Variants in LRRC53 observed in about 807,000 individuals in gnomAD.
The protein encoded by LRRC53 is leucine rich repeat containing 53.
LRRC53 carries 25 observed loss-of-function variants against 13.6 expected under a neutral mutation model. The ratio of observed to expected loss-of-function variants is 1.83; its 90% CI spans 1.34 to 2.56. LRRC53 has a LOEUF of 2.56. LRRC53 is among the 30% of genes most tolerant of loss of function. The probability of loss-of-function intolerance (pLI) is 0.00; values close to 1 mark genes in which losing one functional copy is unlikely to be tolerated. For synonymous variants in LRRC53, 204 were observed against 109.8 expected (o/e 1.86, Z -5.37); for missense variants, 527 against 275.8 (o/e 1.91, Z -6.45).
At chr1:74,526,219 G>C in the LRRC53 span, among the ~76,000 whole-genome samples, 685 of 152,246 alleles carry the variant, frequency 4.5e-3, 6 homozygotes, top group African/African-American at 0.015. Context: ...TTGCAGGGAT[G>C]TGAATTCACA....
At chr1:74,514,241 C>T (rs1221594395), upstream of LRRC53, among the ~76,000 whole-genome samples, 1 of 152,120 alleles carries the variant, frequency 6.6e-6, no homozygotes, top group Non-Finnish European at 1.5e-5. Flanking sequence ...TACATTCTGA[C>T]CAAAATGCTA....
intron 1 of LRRC53, among the ~76,000 whole-genome samples, chr1:74,485,896 G>A (rs148820085): frequency 2.6e-5 from 4 of 152,202 alleles, no homozygotes; most frequent in Admixed American, 1.3e-4. Context: ...CAACCAATGC[G>A]CTTAAAAGAG....
intron 1 of LRRC53, among the ~76,000 whole-genome samples, chr1:74,502,166 A>T (rs1243025055): frequency 6.6e-6 from 1 of 152,198 alleles, no homozygotes; most frequent in Non-Finnish European, 1.5e-5. Flanking sequence ...TTGGAGTGAT[A>T]ATCTTAGAAA....
chr1:74,489,989 C>A (rs1473963069), intron 1 of LRRC53, among the ~76,000 whole-genome samples: 1 of 140,338 alleles, frequency 7.1e-6, no homozygotes, highest in Admixed American at 7.8e-5. Flanking sequence ...ATAGCATCAA[C>A]CTGAGATTGC....
At chr1:74,498,438 G>C (rs1211178516) in intron 1 of LRRC53, among the ~76,000 whole-genome samples, 1 of 152,014 alleles carries the variant, frequency 6.6e-6, no homozygotes, top group African/African-American at 2.4e-5. Context: ...TTCCCTATTA[G>C]ATCATAAATA....
chr1:74,532,375 C>G, the LRRC53 span, among the ~76,000 whole-genome samples: 1 of 152,096 alleles, frequency 6.6e-6, no homozygotes, highest in South Asian at 2.1e-4. Flanking sequence ...ATCCAAAACC[C>G]TTTAACTTAT....
chr1:74,514,622 A>G (rs1557620456), upstream of LRRC53, among the ~76,000 whole-genome samples: 1 of 152,118 alleles, frequency 6.6e-6, no homozygotes, highest in African/African-American at 2.4e-5. Flanking sequence ...AAAACAGGAA[A>G]CATCTTCTGA....
chr1:74,519,137 G>GT, the LRRC53 span, among the ~76,000 whole-genome samples: 1 of 91,968 alleles, frequency 1.1e-5, no homozygotes, highest in Non-Finnish European at 1.9e-5. Flanking sequence ...GCGGTGTTTG[G>GT]TTTTTTGTTC....
rs546876213 is a variant in LRRC53, at chr1:74,508,401, T to A, written c.-27+4125A>T. ...TTAATCTTCATAAAAATAAAGAAGG[T>A]ATTATGATTTTTTCAATTTCACAGA... On this transcript the variant is annotated intron_variant, in intron 1 of 4. Coordinates refer to ENST00000294635, the MANE Select transcript of LRRC53 (RefSeq NM_001382280.1). Among the ~76,000 whole-genome samples the A allele has an allele frequency of 7.9e-5, 12 of 152,286 alleles. No individual in the cohort carries two copies. In the South Asian group the frequency reaches 1.2e-3, roughly 16 times the overall value.
chr1:74,470,963 C>A lies in LRRC53; in HGVS notation c.2659G>T (p.Val887Phe). ...ATTWENTGSD[V>F]LPFQHSRRAT... ...CTCCTGGAATGTTGGAATGGTAAAA[C>A]ATCACTTCCTGTATTTTCCCAAGTA... The change falls in exon 5 of 5, where the codon GTT becomes TTT. Residue 887 changes from valine to phenylalanine, a missense_variant. By Grantham distance (50) the Val-to-Phe change is conservative (BLOSUM62 -1). Transcript: ENST00000294635. The A allele has an allele frequency of 2.5e-6, 1 of 400,702 alleles. No homozygotes were observed. The highest frequency in any genetic ancestry group is 4.4e-6 in the Non-Finnish European group (1 of 226,178). 24.8% of individuals were successfully genotyped at this position (400,702 alleles called of 1,614,324 possible).
At chr1:74,533,869 AC>A in the LRRC53 span, among the ~76,000 whole-genome samples, 4 of 152,314 alleles carry the variant, frequency 2.6e-5, no homozygotes, top group South Asian at 8.3e-4. Flanking sequence ...CAATGAGAAG[AC>A]ATGTGCTATT....
intron 1 of LRRC53, among the ~76,000 whole-genome samples, chr1:74,509,482 T>G (rs1000063103): frequency 2.6e-5 from 4 of 152,204 alleles, no homozygotes; most frequent in Non-Finnish European, 4.4e-5. Flanking sequence ...CACAAATGAA[T>G]GATTTTCATT....
At chr1:74,530,241 C>T in the LRRC53 span, among the ~76,000 whole-genome samples, 1 of 152,116 alleles carries the variant, frequency 6.6e-6, no homozygotes, top group Middle Eastern at 3.2e-3. Flanking sequence ...GATAAAAAGC[C>T]ATGGAAAAAG....
At chr1:74,491,141 C>G (rs1030248073) in intron 1 of LRRC53, among the ~76,000 whole-genome samples, 13 of 152,104 alleles carry the variant, frequency 8.5e-5, no homozygotes, top group African/African-American at 3.1e-4. Context: ...CTGAAAATCA[C>G]GTAACATGAA....
At chr1:74,487,103 A>G (rs1454931637) in intron 1 of LRRC53, among the ~76,000 whole-genome samples, 1 of 152,214 alleles carries the variant, frequency 6.6e-6, no homozygotes, top group Non-Finnish European at 1.5e-5. Flanking sequence ...AGCTTGAAGG[A>G]GGACGTTAAG....
chr1:74,485,394 T>C (rs1224222256), intron 1 of LRRC53, among the ~76,000 whole-genome samples: 6 of 152,150 alleles, frequency 3.9e-5, no homozygotes, highest in Non-Finnish European at 8.8e-5. Flanking sequence ...CATGGATGTG[T>C]GGTTCAGGGG....
At chr1:74,478,558 C>T (rs1470594967) in intron 3 of LRRC53, among the ~76,000 whole-genome samples, 1 of 151,940 alleles carries the variant, frequency 6.6e-6, no homozygotes, top group Non-Finnish European at 1.5e-5. Context: ...CAATGAAATC[C>T]TCTATGAAAA....
chr1:74,489,817 T>C (rs1268438907), intron 1 of LRRC53, among the ~76,000 whole-genome samples: 8 of 152,126 alleles, frequency 5.3e-5, no homozygotes. Context: ...GGTCAAGAGA[T>C]AGCATTTCAA....
chr1:74,529,574 G>A, the LRRC53 span, among the ~76,000 whole-genome samples: 27 of 152,286 alleles, frequency 1.8e-4, 1 homozygote, highest in South Asian at 5.4e-3. Context: ...CTTGAATGGC[G>A]TCTGAGAGTA....
Sources: allele counts gnomAD v4.1 joint callset (sites outside exome capture counted in the v4.1 genomes callset), GRCh38; gene constraint gnomAD v4.1.1; transcripts MANE v1.5; gene names NCBI Gene and HGNC (gene_info 2026-07-23, HGNC 2026-07-21).